Variants in LRMDA observed in about 807,000 individuals in gnomAD.
LRMDA encodes leucine rich melanocyte differentiation associated, also known as leucine-rich melanocyte differentiation-associated protein.
In LRMDA, 18 loss-of-function variants were observed where a neutral mutation model predicts 29.8. The ratio of observed to expected loss-of-function variants is 0.60; its 90% CI spans 0.42 to 0.90. The LOEUF is 0.90. LRMDA is among the 40% of genes least tolerant of loss of function. LRMDA has a pLI of 0.00. For synonymous variants in LRMDA, 125 were observed against 109.4 expected, an observed-to-expected ratio of 1.14 and a Z score of -0.89; for missense variants, 273 against 273.9, an observed-to-expected ratio of 1.00 and a Z score of 0.02.
At chr10:75,455,199 G>T (rs189819326) in intron 2 of LRMDA, among the ~76,000 whole-genome samples, 11 of 152,282 alleles carry the variant, frequency 7.2e-5, no homozygotes, top group African/African-American at 2.6e-4. Context: ...AGTGGGAACT[G>T]CCCAGAATAG....
rs546019925 is a variant in LRMDA, at chr10:76,083,486, C to T, written c.516+24703C>T. On this transcript the variant is annotated intron_variant, in intron 5 of 6. Transcript: ENST00000611255. ...TTTTCAATGGCAGTCATCCCCTGATCTGTTGGCCTCACCACACCTAAATAA... is the reference window on the plus strand; with the variant it reads ...TTTTCAATGGCAGTCATCCCCTGATTTGTTGGCCTCACCACACCTAAATAA... Among the ~76,000 whole-genome samples, 11 of 152,304 alleles carry T rather than the reference C, an allele frequency of 7.2e-5. No homozygotes were observed. The South Asian group carries it at 2.3e-3, about 32-fold the overall frequency.
intron 6 of LRMDA, among the ~76,000 whole-genome samples, chr10:76,394,696 C>T (rs558973167): frequency 1.5e-4 from 23 of 152,176 alleles, no homozygotes; most frequent in Non-Finnish European, 2.1e-4. Context: ...GAATGCAAGG[C>T]GGATTACTAC....
chr10:75,551,931 C>A (rs970198442), intron 2 of LRMDA, among the ~76,000 whole-genome samples: 15 of 151,894 alleles, frequency 9.9e-5, no homozygotes, highest in Admixed American at 2.0e-4. Context: ...TAGTTCCAGC[C>A]TCTTGGTAGA....
At chr10:76,185,044 G>A (rs1253510558) in intron 5 of LRMDA, among the ~76,000 whole-genome samples, 1 of 152,124 alleles carries the variant, frequency 6.6e-6, no homozygotes, top group African/African-American at 2.4e-5. Flanking sequence ...GTAAGATAAT[G>A]GATTAAATGG....
intron 2 of LRMDA, among the ~76,000 whole-genome samples, chr10:75,481,419 G>A (rs1844855004): frequency 6.6e-6 from 1 of 152,144 alleles, no homozygotes; most frequent in African/African-American, 2.4e-5. Context: ...TCTTGGAATA[G>A]CCATCAGATT....
intron 5 of LRMDA, among the ~76,000 whole-genome samples, chr10:76,273,807 A>G (rs1840097306): frequency 2.6e-5 from 4 of 152,330 alleles, no homozygotes; most frequent in South Asian, 2.1e-4. Flanking sequence ...AAGGGCATTA[A>G]CTAATGGGGA....
chr10:76,273,189 A>T (rs1840089046), intron 5 of LRMDA, among the ~76,000 whole-genome samples: 1 of 152,160 alleles, frequency 6.6e-6, no homozygotes, highest in African/African-American at 2.4e-5. Context: ...ACATCTCCAC[A>T]TGTATCCCTT....
chr10:76,374,628 T>C (rs1841494235), intron 6 of LRMDA, among the ~76,000 whole-genome samples: 1 of 152,172 alleles, frequency 6.6e-6, no homozygotes, highest in Non-Finnish European at 1.5e-5. Context: ...ACGACACAAA[T>C]AAGCAGCGTC....
At chr10:75,858,964 A>G (rs950180810) in intron 2 of LRMDA, among the ~76,000 whole-genome samples, 14 of 152,260 alleles carry the variant, frequency 9.2e-5, no homozygotes, top group African/African-American at 2.9e-4. Context: ...TAAAGAAAGT[A>G]TAGTGCTGTA....
At chr10:76,513,738 G>A (rs1330662077) in intron 6 of LRMDA, among the ~76,000 whole-genome samples, 1 of 152,098 alleles carries the variant, frequency 6.6e-6, no homozygotes, top group Admixed American at 6.6e-5. Context: ...TCTCATAAAG[G>A]TCTGTGCTTT....
At chr10:76,525,771 A>G (rs1468656217) in intron 6 of LRMDA, among the ~76,000 whole-genome samples, 1 of 152,132 alleles carries the variant, frequency 6.6e-6, no homozygotes, top group African/African-American at 2.4e-5. Context: ...CATTTTATAG[A>G]GGCAAAAACT....
chr10:76,140,927 A>G (rs1850186717), intron 5 of LRMDA, among the ~76,000 whole-genome samples: 1 of 152,016 alleles, frequency 6.6e-6, no homozygotes, highest in South Asian at 2.1e-4. Flanking sequence ...CCTATTTACA[A>G]ATTATTCTTT....
chr10:76,056,682 C>T (rs1187962226), intron 4 of LRMDA, among the ~76,000 whole-genome samples: 1 of 152,348 alleles, frequency 6.6e-6, no homozygotes, highest in Non-Finnish European at 1.5e-5. Flanking sequence ...TGGGCTTGGC[C>T]GCCACTTTGC....
At chr10:76,141,092 C>T (rs1850190386) in intron 5 of LRMDA, among the ~76,000 whole-genome samples, 2 of 152,148 alleles carry the variant, frequency 1.3e-5, no homozygotes, top group African/African-American at 4.8e-5. Context: ...CACACCAGCA[C>T]ATTATTAAAT....
chr10:76,150,360 A>G (rs560497220), intron 5 of LRMDA, among the ~76,000 whole-genome samples: 16 of 152,098 alleles, frequency 1.1e-4, no homozygotes, highest in Admixed American at 2.0e-4. Flanking sequence ...CTCTAGCCCC[A>G]CCTCACAAAG....
At chr10:75,636,468 C>T (rs530638088) in intron 2 of LRMDA, among the ~76,000 whole-genome samples, 18 of 152,276 alleles carry the variant, frequency 1.2e-4, no homozygotes, top group African/African-American at 4.1e-4. Context: ...ACATGCTAAG[C>T]TCTCAGTAAA....
At chr10:76,050,597 T>C (rs565698381) in intron 4 of LRMDA, among the ~76,000 whole-genome samples, 1 of 152,254 alleles carries the variant, frequency 6.6e-6, no homozygotes, top group African/African-American at 2.4e-5. Context: ...GGGATGAATG[T>C]GGAATGGAGG....
chr10:76,486,756 T>TTA (rs1228265596), intron 6 of LRMDA, among the ~76,000 whole-genome samples: 5 of 151,930 alleles, frequency 3.3e-5, no homozygotes, highest in African/African-American at 1.2e-4. Flanking sequence ...ACTTTCCTAG[T>TTA]AACTGTCTCA....
At chr10:76,378,861 T>TC (rs1276340859) in intron 6 of LRMDA, among the ~76,000 whole-genome samples, 4 of 143,334 alleles carry the variant, frequency 2.8e-5, no homozygotes, top group Non-Finnish European at 3.0e-5. Context: ...TTTTTTTCTT[T>TC]TTTTTTTTTT....
Sources: gnomAD v4.1 joint callset for allele counts (sites outside exome capture counted in the v4.1 genomes callset) on GRCh38, gnomAD v4.1.1 for gene constraint, MANE v1.5 for transcripts, NCBI Gene and HGNC (gene_info 2026-07-23, HGNC 2026-07-21) for gene names.